Variants in KIRREL1 observed in about 807,000 individuals in gnomAD.
KIRREL1 encodes kirre like nephrin family adhesion molecule 1.
KIRREL1 carries 25 observed loss-of-function variants against 83.3 expected under a neutral mutation model. That is an observed-to-expected ratio of 0.30 (90% CI 0.22 to 0.42). The LOEUF is 0.42. Among genes scored for constraint, KIRREL1 ranks in the 10% least tolerant of loss-of-function variants. The pLI is 1.00. For missense variants in KIRREL1, 812 were observed against 1,032.3 expected (o/e 0.79, Z 2.92); for synonymous variants, 388 against 410.4 (o/e 0.95, Z 0.66).
At chr1:158,068,257 C>T (rs185984341) in intron 1 of KIRREL1, among the ~76,000 whole-genome samples, 5 of 152,256 alleles carry the variant, frequency 3.3e-5, no homozygotes, top group Admixed American at 6.5e-5. Flanking sequence ...TGGGGAATGC[C>T]GTTTGTCATT....
intron 1 of KIRREL1, among the ~76,000 whole-genome samples, chr1:158,052,713 G>T (rs1044950702): frequency 6.6e-6 from 1 of 152,108 alleles, no homozygotes; most frequent in African/African-American, 2.4e-5. Flanking sequence ...ATGAACCCGG[G>T]AGGCTGAGCT....
chr1:157,994,773 C>T (rs1401101599), intron 1 of KIRREL1, among the ~76,000 whole-genome samples: 6 of 152,220 alleles, frequency 3.9e-5, no homozygotes. Flanking sequence ...ACAGACTACT[C>T]ACCTACTGAG....
At chr1:158,029,697 G>A (rs138920254) in intron 1 of KIRREL1, among the ~76,000 whole-genome samples, 33 of 152,234 alleles carry the variant, frequency 2.2e-4, no homozygotes, top group Non-Finnish European at 4.0e-4. Flanking sequence ...AGAGAGATAC[G>A]AACTTTAATC....
intron 1 of KIRREL1, among the ~76,000 whole-genome samples, chr1:157,994,938 C>A (rs1310406125): frequency 6.6e-6 from 1 of 152,160 alleles, no homozygotes; most frequent in South Asian, 2.1e-4. Flanking sequence ...TACATGTATG[C>A]AGGCGTTTAC....
intron 1 of KIRREL1, among the ~76,000 whole-genome samples, chr1:158,068,911 C>T (rs187639586): frequency 0.015 from 2,160 of 142,880 alleles, 40 homozygotes; most frequent in African/African-American, 0.051. Flanking sequence ...GCTGTCGGTG[C>T]GAATCAGAGG....
chr1:158,022,453 G>A (rs142159992), intron 1 of KIRREL1, among the ~76,000 whole-genome samples: 95 of 152,330 alleles, frequency 6.2e-4, no homozygotes, highest in Middle Eastern at 3.4e-3. Context: ...GATTCTGACA[G>A]AAGCAGAACT....
chr1:158,034,941 A>T (rs758177856), intron 1 of KIRREL1, among the ~76,000 whole-genome samples: 5 of 152,172 alleles, frequency 3.3e-5, no homozygotes, highest in Non-Finnish European at 7.4e-5. Flanking sequence ...AAAAATTTTT[A>T]AATTCTCTCT....
intron 1 of KIRREL1, among the ~76,000 whole-genome samples, chr1:158,007,325 G>A (rs1421961522): frequency 6.6e-6 from 1 of 152,184 alleles, no homozygotes; most frequent in Non-Finnish European, 1.5e-5. Context: ...GTGGAGGGAA[G>A]GGAACCTGGG....
At chr1:158,089,888 C>A in intron 10 of KIRREL1, 70 bp downstream of exon 10, 1 of 1,369,150 alleles carries the variant, frequency 7.3e-7, no homozygotes, top group Non-Finnish European at 1.0e-6. Flanking sequence ...CCTCCTCTCA[C>A]TTCTGCTGGT....
intron 8 of KIRREL1, among the ~76,000 whole-genome samples, chr1:158,089,127 ACC>A (rs1662112923): frequency 6.6e-6 from 1 of 151,936 alleles, no homozygotes; most frequent in Non-Finnish European, 1.5e-5. Flanking sequence ...CTCTGCAGAG[ACC>A]CCCATTAGAC....
chr1:158,001,624 G>C (rs553112629), intron 1 of KIRREL1, among the ~76,000 whole-genome samples: 1 of 152,326 alleles, frequency 6.6e-6, no homozygotes, highest in East Asian at 1.9e-4. Context: ...CGTGGAGGAA[G>C]TGGGGCCCAA....
chr1:158,021,252 T>C (rs142048983), intron 1 of KIRREL1, among the ~76,000 whole-genome samples: 152 of 152,324 alleles, frequency 1.0e-3, no homozygotes, highest in African/African-American at 3.2e-3. Flanking sequence ...ATCAGAATTA[T>C]TTTCTGGTGA....
At chr1:158,028,583 T>C (rs1170882517) in intron 1 of KIRREL1, among the ~76,000 whole-genome samples, 1 of 50,510 alleles carries the variant, frequency 2.0e-5, no homozygotes, top group Non-Finnish European at 6.6e-5. Context: ...CCACTGAGGC[T>C]GGAAAGCCCA....
At chr1:157,999,149 TCCCTAGTTCTCAGC>T (rs1242823179) in intron 1 of KIRREL1, among the ~76,000 whole-genome samples, 1 of 152,066 alleles carries the variant, frequency 6.6e-6, no homozygotes, top group African/African-American at 2.4e-5. Flanking sequence ...TCAGCCCCCT[TCCCTAGTTCTCAGC>T]CCAGAAATTC....
At chr1:158,078,954 GC>G (rs1242426298) in intron 3 of KIRREL1, among the ~76,000 whole-genome samples, 1 of 151,618 alleles carries the variant, frequency 6.6e-6, no homozygotes, top group African/African-American at 2.4e-5. Flanking sequence ...CACACCCCTT[GC>G]CCCCCCTCAC....
intron 1 of KIRREL1, among the ~76,000 whole-genome samples, chr1:158,006,339 C>A (rs915224497): frequency 3.9e-5 from 6 of 152,208 alleles, no homozygotes; most frequent in African/African-American, 4.8e-5. Context: ...CTAGCCTGAA[C>A]CTTCCCTGCT....
chr1:158,079,659 G>A (rs1035829973), intron 3 of KIRREL1, among the ~76,000 whole-genome samples: 1 of 152,168 alleles, frequency 6.6e-6, no homozygotes, highest in Non-Finnish European at 1.5e-5. Flanking sequence ...AGGGAGGTGA[G>A]AACATAACAA....
intron 1 of KIRREL1, among the ~76,000 whole-genome samples, chr1:158,035,126 G>A (rs538125407): frequency 1.4e-4 from 22 of 152,332 alleles, no homozygotes; most frequent in African/African-American, 5.1e-4. Context: ...ACTGGTAGGA[G>A]CCATTCCCTT....
At chr1:158,028,267 G>A (rs1660226951) in intron 1 of KIRREL1, among the ~76,000 whole-genome samples, 1 of 152,204 alleles carries the variant, frequency 6.6e-6, no homozygotes, top group African/African-American at 2.4e-5. Context: ...GGGCACCTGG[G>A]TCCTCAGGGT....
Sources: allele counts gnomAD v4.1 joint callset (sites outside exome capture counted in the v4.1 genomes callset), GRCh38; gene constraint gnomAD v4.1.1; transcripts MANE v1.5; gene names NCBI Gene and HGNC (gene_info 2026-07-23, HGNC 2026-07-21).